AGBL1: variants seen among roughly 807,000 people sequenced by gnomAD.
AGBL1 encodes AGBL carboxypeptidase 1.
AGBL1 carries 130 observed loss-of-function variants against 118.9 expected under a neutral mutation model. That is an observed-to-expected ratio of 1.09 (90% confidence interval 0.95 to 1.26). The LOEUF is 1.26. Among genes scored for constraint, AGBL1 ranks in the 50% most tolerant of loss-of-function variants. The pLI, the probability that AGBL1 is intolerant of heterozygous loss-of-function variation, is 0.00. For synonymous variants in AGBL1, 555 were observed against 478.9 expected, an observed-to-expected ratio of 1.16 and a Z score of -2.08; for missense variants, 1,584 against 1,298.1, an observed-to-expected ratio of 1.22 and a Z score of -3.38.
intron 1 of AGBL1, among the ~76,000 whole-genome samples, chr15:86,116,978 G>A (rs569363182): frequency 2.9e-4 from 42 of 142,884 alleles, no homozygotes; most frequent in Admixed American, 5.0e-4. Flanking sequence ...ACATGTTTTC[G>A]TGTTACTTAG....
intron 22 of AGBL1, among the ~76,000 whole-genome samples, chr15:86,799,318 G>A (rs1169334632): frequency 1.3e-5 from 2 of 152,004 alleles, no homozygotes; most frequent in African/African-American, 4.8e-5. Flanking sequence ...AAATCTTCAG[G>A]CAGTTTTTTT....
intron 21 of AGBL1, among the ~76,000 whole-genome samples, chr15:86,673,797 G>C (rs906619043): frequency 1.3e-5 from 2 of 152,034 alleles, no homozygotes; most frequent in Admixed American, 1.3e-4. Flanking sequence ...GTTTTTTAAA[G>C]TTTCAGTGTT....
At chr15:86,779,968 G>A (rs546040930) in intron 22 of AGBL1, among the ~76,000 whole-genome samples, 1 of 151,888 alleles carries the variant, frequency 6.6e-6, no homozygotes, top group South Asian at 2.1e-4. Context: ...TCCCTTGTCA[G>A]TATGTTTTAT....
At chr15:86,593,015 A>G (rs1231158183) in intron 21 of AGBL1, among the ~76,000 whole-genome samples, 1 of 151,668 alleles carries the variant, frequency 6.6e-6, no homozygotes, top group Non-Finnish European at 1.5e-5. Context: ...ACAAGGGAAA[A>G]CCTCTCCCTT....
At chr15:86,905,697 A>C (rs1417320011) in intron 22 of AGBL1, among the ~76,000 whole-genome samples, 1 of 152,224 alleles carries the variant, frequency 6.6e-6, no homozygotes, top group African/African-American at 2.4e-5. Context: ...AAAGTCCCAC[A>C]GCCAATATTT....
At position 86,750,824 on chromosome 15, in the gene AGBL1, G is replaced by C. The variant is rs543224921; in HGVS notation, c.3158+76388G>C. Among the ~76,000 whole-genome samples the C allele has an allele frequency of 3.3e-5, 5 of 150,966 alleles. No individual in the cohort carries two copies. In the East Asian group the frequency reaches 5.9e-4, roughly 18 times the overall value. On this transcript the variant is annotated intron_variant, in intron 22 of 22. Coordinates refer to ENST00000614907, the MANE Select transcript of AGBL1 (RefSeq NM_001386094.1). ...CCCTCTGATAGGCCCCAGCGTGTGT[G>C]TTGTTCCCCTATATGTTCATGTGTT... is the stretch of plus-strand genomic sequence containing the variant.
chr15:86,276,376 C>G (rs749038811), intron 15 of AGBL1, among the ~76,000 whole-genome samples: 4 of 152,160 alleles, frequency 2.6e-5, no homozygotes. Context: ...TGGAATTGCT[C>G]TAGACACTTA....
chr15:86,708,043 G>A (rs144692586), intron 22 of AGBL1, among the ~76,000 whole-genome samples: 1 of 152,222 alleles, frequency 6.6e-6, no homozygotes, highest in East Asian at 1.9e-4. Context: ...TCTGTAGTCT[G>A]TAGCTACTGC....
intron 17 of AGBL1, among the ~76,000 whole-genome samples, chr15:86,367,512 T>C (rs1446208440): frequency 1.3e-5 from 2 of 151,952 alleles, no homozygotes; most frequent in African/African-American, 4.8e-5. Context: ...TGATATAATA[T>C]GCAAGTTTCC....
intron 5 of AGBL1, among the ~76,000 whole-genome samples, chr15:86,168,065 C>G (rs2077366248): frequency 6.6e-6 from 1 of 152,142 alleles, no homozygotes; most frequent in Admixed American, 6.5e-5. Context: ...CTGAGTTGTC[C>G]TCTTTTAACT....
At chr15:86,592,745 A>G (rs1315824701) in intron 21 of AGBL1, among the ~76,000 whole-genome samples, 1 of 152,190 alleles carries the variant, frequency 6.6e-6, no homozygotes, top group Non-Finnish European at 1.5e-5. Flanking sequence ...AATGCTGCTG[A>G]TCACCAGCTT....
chr15:86,515,134 A>G (rs4500688), intron 18 of AGBL1, among the ~76,000 whole-genome samples: 2 of 152,068 alleles, frequency 1.3e-5, no homozygotes, highest in African/African-American at 2.4e-5. Flanking sequence ...CTGCAATGTT[A>G]TCTGCAAATA....
intron 22 of AGBL1, among the ~76,000 whole-genome samples, chr15:86,829,949 C>T (rs970725371): frequency 1.3e-5 from 2 of 152,062 alleles, no homozygotes; most frequent in African/African-American, 4.8e-5. Context: ...GCCAAGAATG[C>T]TGCTACACAT....
chr15:86,720,516 C>T (rs566262615), intron 22 of AGBL1, among the ~76,000 whole-genome samples: 2 of 152,168 alleles, frequency 1.3e-5, no homozygotes, highest in Non-Finnish European at 2.9e-5. Flanking sequence ...TACTTCGCTG[C>T]CAATGGGGCC....
At chr15:86,561,511 A>G (rs2142286808) in intron 21 of AGBL1, among the ~76,000 whole-genome samples, 1 of 152,244 alleles carries the variant, frequency 6.6e-6, no homozygotes, top group East Asian at 1.9e-4. Context: ...CCATTGGTCT[A>G]TATATCTTTT....
At chr15:86,749,495 C>T (rs2077813688) in intron 22 of AGBL1, among the ~76,000 whole-genome samples, 1 of 151,848 alleles carries the variant, frequency 6.6e-6, no homozygotes, top group Non-Finnish European at 1.5e-5. Flanking sequence ...AATTGAATAC[C>T]CTTTATTTCC....
At chr15:86,433,355 A>G (rs748348003) in intron 18 of AGBL1, among the ~76,000 whole-genome samples, 2 of 139,862 alleles carry the variant, frequency 1.4e-5, no homozygotes, top group African/African-American at 2.7e-5. Flanking sequence ...GGATGATTGC[A>G]TCATTCTAAA....
At chr15:86,535,940 C>A (rs141968606) in intron 19 of AGBL1, among the ~76,000 whole-genome samples, 3 of 152,130 alleles carry the variant, frequency 2.0e-5, no homozygotes, top group African/African-American at 7.2e-5. Context: ...TGTTAAGGTA[C>A]CACATCTAGA....
intron 21 of AGBL1, among the ~76,000 whole-genome samples, chr15:86,591,474 G>A (rs1031290186): frequency 1.3e-5 from 2 of 152,180 alleles, no homozygotes; most frequent in Non-Finnish European, 2.9e-5. Context: ...CTGGCTTGAA[G>A]TTGGGGTTCC....
Sources: gnomAD v4.1 joint callset for allele counts (sites outside exome capture counted in the v4.1 genomes callset) on GRCh38, gnomAD v4.1.1 for gene constraint, MANE v1.5 for transcripts, NCBI Gene and HGNC (gene_info 2026-07-23, HGNC 2026-07-21) for gene names.